CDH13: variants seen among roughly 807,000 people sequenced by gnomAD.
The protein encoded by CDH13 is cadherin-13.
A neutral mutation model predicts 63.8 loss-of-function variants in CDH13; 24 were observed. That is an observed-to-expected ratio of 0.38 (90% CI 0.27 to 0.53). The LOEUF is 0.53. Among genes scored for constraint, CDH13 ranks in the 20% least tolerant of loss-of-function variants. The probability of loss-of-function intolerance (pLI) is 0.85; values close to 1 mark genes in which losing one functional copy is unlikely to be tolerated. For synonymous variants in CDH13, 503 were observed against 355.3 expected, an observed-to-expected ratio of 1.42 and a Z score of -4.67; for missense variants, 1,049 against 903.1, an observed-to-expected ratio of 1.16 and a Z score of -2.07.
At chr16:83,537,309 C>A (rs892147181) in intron 7 of CDH13, among the ~76,000 whole-genome samples, 1 of 152,184 alleles carries the variant, frequency 6.6e-6, no homozygotes, top group South Asian at 2.1e-4. Context: ...GATCTATGCA[C>A]AAAAATTTGT....
At chr16:82,682,922 C>T (rs146669099) in intron 1 of CDH13, among the ~76,000 whole-genome samples, 4 of 152,146 alleles carry the variant, frequency 2.6e-5, no homozygotes, top group African/African-American at 9.7e-5. Context: ...GCCCACAGTT[C>T]AGGCTGGTCC....
At chr16:82,947,745 T>G (rs752665399) in intron 2 of CDH13, among the ~76,000 whole-genome samples, 2 of 152,218 alleles carry the variant, frequency 1.3e-5, no homozygotes, top group African/African-American at 4.8e-5. Flanking sequence ...ATTATTTTGA[T>G]GTTACTTTCC....
chr16:83,109,082 T>G (rs1203225147), intron 3 of CDH13, among the ~76,000 whole-genome samples: 15 of 152,160 alleles, frequency 9.9e-5, no homozygotes, highest in African/African-American at 3.6e-4. Context: ...CTAAGAGTAT[T>G]GAGGTCCTGG....
At chr16:83,277,082 AAC>A (rs2089014282) in intron 5 of CDH13, among the ~76,000 whole-genome samples, 2 of 152,170 alleles carry the variant, frequency 1.3e-5, no homozygotes, top group South Asian at 4.1e-4. Context: ...TTTGGGTGGC[AAC>A]ACAGCCAAAT....
intron 7 of CDH13, among the ~76,000 whole-genome samples, chr16:83,558,243 G>A (rs2075639859): frequency 6.6e-6 from 1 of 152,192 alleles, no homozygotes; most frequent in Non-Finnish European, 1.5e-5. Flanking sequence ...TTATTGGGAT[G>A]TTCGCAGGTT....
intron 3 of CDH13, among the ~76,000 whole-genome samples, chr16:83,066,991 G>T (rs530147822): frequency 6.6e-6 from 1 of 152,280 alleles, no homozygotes; most frequent in Admixed American, 6.5e-5. Flanking sequence ...CTGCCTCTAG[G>T]ATGAGTACTG....
intron 7 of CDH13, among the ~76,000 whole-genome samples, chr16:83,516,828 G>C (rs1409770958): frequency 6.6e-6 from 1 of 152,230 alleles, no homozygotes; most frequent in African/African-American, 2.4e-5. Flanking sequence ...TGGCATTGTT[G>C]TGTACAACAG....
chr16:83,201,521 G>T (rs570458987), intron 4 of CDH13, among the ~76,000 whole-genome samples: 23 of 152,266 alleles, frequency 1.5e-4, no homozygotes, highest in African/African-American at 5.1e-4. Flanking sequence ...GCGAATTCAA[G>T]CCATTACCAG....
intron 7 of CDH13, among the ~76,000 whole-genome samples, chr16:83,535,987 T>C (rs766901918): frequency 6.6e-6 from 1 of 151,834 alleles, no homozygotes; most frequent in East Asian, 1.9e-4. Flanking sequence ...AAGAAACCCA[T>C]GGACACCCAC....
At chr16:82,833,277 C>G (rs1466719995) in intron 1 of CDH13, among the ~76,000 whole-genome samples, 1 of 152,180 alleles carries the variant, frequency 6.6e-6, no homozygotes, top group Non-Finnish European at 1.5e-5. Flanking sequence ...TAATGTGCTT[C>G]TTCTTTCATC....
At chr16:83,792,463 CTTG>C (rs910277385) in intron 13 of CDH13, among the ~76,000 whole-genome samples, 4 of 152,290 alleles carry the variant, frequency 2.6e-5, no homozygotes, top group African/African-American at 7.2e-5. Flanking sequence ...AAAGATGTTT[CTTG>C]TTGTTGTTGT....
At chr16:82,694,361 T>A (rs1206592946) in intron 1 of CDH13, among the ~76,000 whole-genome samples, 1 of 152,332 alleles carries the variant, frequency 6.6e-6, no homozygotes, top group Non-Finnish European at 1.5e-5. Context: ...AACATTTTTT[T>A]ATGGACTGCT....
chr16:83,526,744 C>A (rs2074971263), intron 7 of CDH13, among the ~76,000 whole-genome samples: 2 of 152,198 alleles, frequency 1.3e-5, no homozygotes, highest in South Asian at 4.1e-4. Context: ...CAATCTTCTG[C>A]TTTACCTTCT....
chr16:83,281,367 A>C (rs1161231377), intron 5 of CDH13, among the ~76,000 whole-genome samples: 1 of 152,180 alleles, frequency 6.6e-6, no homozygotes, highest in Non-Finnish European at 1.5e-5. Context: ...CTGAAGAGAG[A>C]GCACTTTGGT....
intron 1 of CDH13, among the ~76,000 whole-genome samples, chr16:82,780,056 A>G (rs1349841624): frequency 6.6e-6 from 1 of 152,172 alleles, no homozygotes; most frequent in African/African-American, 2.4e-5. Context: ...GATTTCGCCA[A>G]ACAAAACAAG....
At chr16:82,726,819 C>G (rs908402853) in intron 1 of CDH13, among the ~76,000 whole-genome samples, 3 of 152,166 alleles carry the variant, frequency 2.0e-5, no homozygotes, top group Non-Finnish European at 4.4e-5. Context: ...GGAATTCTTA[C>G]AACTACATCA....
chr16:83,108,530 C>G (rs1001222737), intron 3 of CDH13, among the ~76,000 whole-genome samples: 11 of 152,206 alleles, frequency 7.2e-5, no homozygotes, highest in African/African-American at 2.7e-4. Flanking sequence ...GGCCAGGCTC[C>G]TCCCCACTGC....
At chr16:82,687,432 C>T (rs1915191061) in intron 1 of CDH13, among the ~76,000 whole-genome samples, 1 of 152,064 alleles carries the variant, frequency 6.6e-6, no homozygotes, top group African/African-American at 2.4e-5. Flanking sequence ...TTAATAAAGG[C>T]AAGTGGTTTA....
intron 5 of CDH13, among the ~76,000 whole-genome samples, chr16:83,245,937 A>G (rs117390125): frequency 6.6e-6 from 1 of 152,070 alleles, no homozygotes; most frequent in African/African-American, 2.4e-5. Flanking sequence ...AGGTCTTTCC[A>G]TACAGCCCAG....
Sources: allele counts gnomAD v4.1 joint callset (sites outside exome capture counted in the v4.1 genomes callset), GRCh38; gene constraint gnomAD v4.1.1; transcripts MANE v1.5; gene names NCBI Gene and HGNC (gene_info 2026-07-23, HGNC 2026-07-21).